LSP1: variants seen among roughly 807,000 people sequenced by gnomAD.
LSP1 encodes lymphocyte specific protein 1.
Under a neutral mutation model 49.3 loss-of-function variants are expected in LSP1, and 32 were observed. The observed-to-expected ratio is 0.65, with a 90% CI of 0.49 to 0.87. The LOEUF (loss-of-function observed/expected upper bound fraction) is 0.87. Among genes scored for constraint, LSP1 ranks in the 40% least tolerant of loss-of-function variants. LSP1 has a pLI of 0.00. For missense variants in LSP1, 428 were observed against 442.6 expected, an observed-to-expected ratio of 0.97 and a Z score of 0.30; for synonymous variants, 179 against 178.8, an observed-to-expected ratio of 1.00 and a Z score of -0.01.
At chr11:1,876,558 G>A (rs1848318098) in intron 1 of LSP1, 2 of 985,610 alleles carry the variant, frequency 2.0e-6, no homozygotes, top group Non-Finnish European at 2.4e-6. Flanking sequence ...GGGTGGGGCA[G>A]CCACAGGAGC....
At chr11:1,872,081 G>A (rs1848044377) in intron 1 of LSP1, among the ~76,000 whole-genome samples, 1 of 142,034 alleles carries the variant, frequency 7.0e-6, no homozygotes, top group East Asian at 2.2e-4. Context: ...TAGAGTTGGG[G>A]TCTGTCTGGC....
intron 2 of LSP1, chr11:1,881,000 G>A (rs1848513884): frequency 1.3e-5 from 2 of 159,454 alleles, no homozygotes; most frequent in Admixed American, 1.3e-4. Flanking sequence ...CAGAGTGATG[G>A]GGGAGGCACA....
intron 1 of LSP1, among the ~76,000 whole-genome samples, chr11:1,862,389 G>C (rs1258408485): frequency 6.6e-6 from 1 of 152,214 alleles, no homozygotes; most frequent in Non-Finnish European, 1.5e-5. Context: ...TCTAGTGACA[G>C]GGAAGTCCTG....
chr11:1,889,044 T>C (rs892384945), intron 10 of LSP1: 5 of 576,172 alleles, frequency 8.7e-6, no homozygotes, highest in South Asian at 6.2e-5. Context: ...CCTTGGGCCC[T>C]GGTGCATCTT....
intron 4 of LSP1, 143 bp from the exon 5 acceptor site, chr11:1,883,789 C>G (rs1848646634): frequency 1.3e-5 from 12 of 911,066 alleles, no homozygotes; most frequent in African/African-American, 5.0e-5. Flanking sequence ...AGTCCCTCCC[C>G]ACCAGCTCCA....
At chr11:1,879,570 C>A (rs2133109809) in intron 1 of LSP1, among the ~76,000 whole-genome samples, 1 of 152,318 alleles carries the variant, frequency 6.6e-6, no homozygotes. Flanking sequence ...CCTTCGACCT[C>A]CCCTTTCTCC....
At chr11:1,889,892 C>T (rs1343483261) in intron 10 of LSP1, 1 of 627,312 alleles carries the variant, frequency 1.6e-6, no homozygotes, top group Non-Finnish European at 2.9e-6. Flanking sequence ...CTGTGGTGGG[C>T]AGTGGGCGGA....
intron 1 of LSP1, chr11:1,871,362 G>A (rs866936889): frequency 2.0e-6 from 2 of 986,162 alleles, no homozygotes; most frequent in Non-Finnish European, 2.4e-6. Context: ...GCTGCAGAGC[G>A]GGACAAGGGT....
intron 1 of LSP1, chr11:1,869,614 G>A (rs111649592): frequency 1.9e-5 from 9 of 470,044 alleles, no homozygotes; most frequent in East Asian, 7.0e-5. Flanking sequence ...AGCAGGTGCC[G>A]GGGCAGAAGG....
At chr11:1,868,992 T>C in intron 1 of LSP1, 2 of 986,024 alleles carry the variant, frequency 2.0e-6, no homozygotes, top group Non-Finnish European at 2.4e-6. Flanking sequence ...CAGAGGTCGG[T>C]GGACTGGGGT....
rs774336743 is a variant in LSP1, at chr11:1,886,845, G to A, written c.831G>A (p.Ala277=). Residue 277 remains alanine, a synonymous_variant, in exon 8 of 11, where the codon GCG becomes GCA. Transcript: ENST00000311604. Reference sequence around the variant, plus strand: ...CGGGTGAGGTACAGGCTCAGTCTGCGGCCAAGACTCCGTCCTGCAAGGTAA... The same window carrying A: ...CGGGTGAGGTACAGGCTCAGTCTGCAGCCAAGACTCCGTCCTGCAAGGTAA... ...WETGEVQAQS[A]AKTPSCKDIV... is the part of the protein sequence containing the mutation. The A allele has an allele frequency of 5.1e-5, 82 of 1,611,486 alleles. No homozygotes were observed. The South Asian group carries it at 5.7e-4, about 11-fold the overall frequency.
intron 3 of LSP1, among the ~76,000 whole-genome samples, chr11:1,882,476 C>T (rs1409951087): frequency 6.6e-6 from 1 of 152,138 alleles, no homozygotes; most frequent in African/African-American, 2.4e-5. Context: ...CTGGTCCTGG[C>T]CTGGCGCAGT....
At chr11:1,888,937 C>T (rs932241763) in intron 10 of LSP1, 2 of 487,262 alleles carry the variant, frequency 4.1e-6, no homozygotes, top group African/African-American at 2.0e-5. Context: ...GGCTCCAGCT[C>T]GTCCTCTCTG....
intron 1 of LSP1, among the ~76,000 whole-genome samples, chr11:1,858,169 T>C (rs72843935): frequency 0.031 from 4,650 of 152,282 alleles, 88 homozygotes; most frequent in Middle Eastern, 0.11. Context: ...GCCAAGTGCA[T>C]TGTCCAAGGG....
chr11:1,858,658 C>T (rs937972540), intron 1 of LSP1, among the ~76,000 whole-genome samples: 2 of 152,222 alleles, frequency 1.3e-5, no homozygotes, highest in Non-Finnish European at 2.9e-5. Context: ...GCTGGAGAGG[C>T]TCGGCCAGGG....
intron 1 of LSP1, among the ~76,000 whole-genome samples, chr11:1,877,633 C>T (rs1173353054): frequency 1.3e-5 from 2 of 149,264 alleles, no homozygotes; most frequent in African/African-American, 5.0e-5. Context: ...TGAAGGGATC[C>T]CTGGAGGGGG....
At position 1,884,658 on chromosome 11, in the gene LSP1, C is replaced by T; in HGVS notation, c.717+77C>T. On this transcript the variant is annotated intron_variant, in intron 7 of 10. Coordinates refer to ENST00000311604, the MANE Select transcript of LSP1 (RefSeq NM_002339.3). The surrounding 1 kb of genome is among the most constrained non-coding windows in gnomAD (Gnocchi z 4.1). ...TTCCTTCATCCAACCAACGCCCTTC[C>T]ATCCAATCAGTGCCGCCTTATTCAA... 1 of 1,281,562 alleles carries T rather than the reference C, an allele frequency of 7.8e-7. No homozygotes were observed. The highest frequency in any genetic ancestry group is 1.1e-6 in the Non-Finnish European group (1 of 890,064). The allele number at this position is 1,281,562 out of a possible 1,614,324, so 79.4% of individuals were successfully genotyped here. A position where few individuals can be genotyped will look rare whatever the true frequency, so the allele number is the denominator to read the frequency against.
intron 8 of LSP1, 79 bp from the exon 9 acceptor site, chr11:1,887,158 C>T (rs1045141168): frequency 4.4e-5 from 59 of 1,338,824 alleles, no homozygotes; most frequent in East Asian, 5.0e-5. Flanking sequence ...TAAGGCAAGG[C>T]GGGAGAGAAG....
At chr11:1,889,565 G>A in intron 10 of LSP1, 1 of 613,090 alleles carries the variant, frequency 1.6e-6, no homozygotes, top group East Asian at 2.8e-5. Flanking sequence ...GCCACGTCCA[G>A]CCACTGAGCC....
Sources: gnomAD v4.1 joint callset for allele counts (sites outside exome capture counted in the v4.1 genomes callset) on GRCh38, gnomAD v4.1.1 for gene constraint, Gnocchi (gnomAD v3.1) non-coding constraint, MANE v1.5 for transcripts, NCBI Gene and HGNC (gene_info 2026-07-23, HGNC 2026-07-21) for gene names.